MCM10: variants seen among roughly 807,000 people sequenced by gnomAD.
MCM10 encodes the protein protein MCM10 homolog.
Under a neutral mutation model 109.9 loss-of-function variants are expected in MCM10, and 91 were observed. That is an observed-to-expected ratio of 0.83 (90% confidence interval 0.70 to 0.99). The LOEUF is 0.99. Ranked by LOEUF, MCM10 falls within the 50% of genes least tolerant of loss-of-function variation. The pLI is 0.00. For synonymous variants in MCM10, 380 were observed against 387.2 expected, an observed-to-expected ratio of 0.98 and a Z score of 0.22; for missense variants, 1,077 against 1,061.2, an observed-to-expected ratio of 1.01 and a Z score of -0.21.
Position 13,172,801 on chromosome 10 carries a change from T to C in MCM10, c.592+36T>C. On this transcript the variant is annotated intron_variant, in intron 5 of 19. Transcript: ENST00000378714. The surrounding 1 kb of genome is among the most constrained non-coding windows in gnomAD (Gnocchi z 5.2). The stretch of plus-strand genomic sequence containing the variant: ...TGCGGTCTCAGTATCTTGGCACTAT[T>C]GTATGTGTTTATGTGTGTGGGGGTG... 6.2e-7 allele frequency: 1 copy of C among 1,604,234 alleles called. No individual in the cohort carries two copies. The highest frequency in any genetic ancestry group is 2.2e-5 in the East Asian group (1 of 44,850).
chr10:13,195,622 A>ATTTATTTT (rs1423866155), intron 14 of MCM10: 6 of 150,322 alleles, frequency 4.0e-5, no homozygotes. Flanking sequence ...TTATTTATTT[A>ATTTATTTT]TTTTTTGAGA....
chr10:13,167,333 A>G (rs1258172772), intron 2 of MCM10, among the ~76,000 whole-genome samples: 2 of 152,124 alleles, frequency 1.3e-5, no homozygotes, highest in South Asian at 2.1e-4. Context: ...TGGGTTAGAC[A>G]TGTGGATGAA....
chr10:13,172,661 G>C lies in MCM10; in HGVS notation c.488G>C (p.Arg163Thr). 6.2e-7 allele frequency: 1 copy of C among 1,614,196 alleles called. No individual in the cohort carries two copies. Among genetic ancestry groups the C allele is most frequent in the Non-Finnish European group, 8.5e-7 (1 of 1,180,034 alleles). Reference protein sequence around the residue: ...KSPRPPLKERRVQRIQESTCF... With the variant: ...KSPRPPLKERTVQRIQESTCF... Reference sequence around the variant, plus strand: ...CCCCGGCCACCTCTTAAGGAGAGGAGAGTTCAGAGAATTCAGGAGTCAACA... The same window carrying C: ...CCCCGGCCACCTCTTAAGGAGAGGACAGTTCAGAGAATTCAGGAGTCAACA... The change falls in exon 5 of 20, where the codon AGA becomes ACA. Residue 163 changes from arginine to threonine, a missense_variant. Coordinates refer to ENST00000378714, the MANE Select transcript of MCM10 (RefSeq NM_018518.5). This position sits in a 1 kb window ranked among gnomAD's most constrained non-coding sequence, Gnocchi z 5.2.
At chr10:13,204,037 A>AG (rs146646157) in intron 17 of MCM10, among the ~76,000 whole-genome samples, 182 bp from the exon 18 acceptor site, 13,753 of 152,210 alleles carry the variant, frequency 0.09, 1,224 homozygotes, top group African/African-American at 0.23. Context: ...TATCAGTGTG[A>AG]GGGAGTCGGG....
At chr10:13,189,125 C>G in intron 10 of MCM10, 45 bp downstream of exon 10, 1 of 1,600,768 alleles carries the variant, frequency 6.2e-7, no homozygotes, top group African/African-American at 1.3e-5. Flanking sequence ...TTTTGCTTAT[C>G]AAAGACTAAA....
In MCM10 at chr10:13,171,403, TTA is replaced by T. The variant is rs1834071885; in HGVS notation, c.349+144_349+145del. On this transcript the variant is annotated intron_variant, in intron 3 of 19. Coordinates refer to ENST00000378714, the MANE Select transcript of MCM10 (RefSeq NM_018518.5). ...TAAAAAAAGAAAAAAAGAAAGAAAA[TTA>T]TATGAGTTGGTAGATGAAATGTTTG... is the stretch of plus-strand genomic sequence containing the variant. 3.7e-6 allele frequency: 3 copies of T among 814,570 alleles called. No homozygotes were observed. In the Admixed American group the frequency reaches 9.0e-5, roughly 25 times the overall value. 50.5% of individuals were successfully genotyped at this position (814,570 alleles called of 1,614,324 possible). A position where few individuals can be genotyped will look rare whatever the true frequency, so the allele number is the denominator to read the frequency against.
At chr10:13,162,092 T>C (rs1020392237) in intron 1 of MCM10, among the ~76,000 whole-genome samples, 7 of 151,538 alleles carry the variant, frequency 4.6e-5, no homozygotes, top group African/African-American at 1.7e-4. Flanking sequence ...GAAAGATGAG[T>C]AAGTGGAGAC....
chr10:13,197,784 G>A lies in MCM10; in HGVS notation c.2119+17G>A, dbSNP rs922173411. 6 of 1,598,450 alleles carry A rather than the reference G, an allele frequency of 3.8e-6. No individual in the cohort carries two copies. Among genetic ancestry groups the A allele is most frequent in the Non-Finnish European group, 5.1e-6 (6 of 1,176,056 alleles). ...CTTCTCAAGGTACTGCAGTTTCACA[G>A]TTAACAGTGGGAAAGAGAAACTGTT... On this transcript the variant is annotated intron_variant, in intron 15 of 19. Coordinates refer to ENST00000378714, the MANE Select transcript of MCM10 (RefSeq NM_018518.5).
At chr10:13,196,712 C>T (rs533502931) in intron 14 of MCM10, among the ~76,000 whole-genome samples, 1 of 152,050 alleles carries the variant, frequency 6.6e-6, no homozygotes, top group African/African-American at 2.4e-5. Flanking sequence ...AGGGTTTCAC[C>T]ATGTTGGCCA....
At position 13,210,622 on chromosome 10, in the gene MCM10, T is replaced by G. The variant is rs1006072081; in HGVS notation, c.*1312T>G. 1.3e-5 allele frequency: 2 copies of G among 152,206 alleles called. No individual in the cohort carries two copies. The highest frequency in any genetic ancestry group is 1.3e-4 in the Admixed American group (2 of 15,272). The allele number at this position is 152,206 out of a possible 1,614,324, so 9.4% of individuals were successfully genotyped here. A position where few individuals can be genotyped will look rare whatever the true frequency, so the allele number is the denominator to read the frequency against. ...AGAAATAAAATTTACATGCCTTAGA[T>G]TTCATAAAATTCTGCTCTAATTGGG... On this transcript the variant is annotated 3_prime_UTR_variant, in exon 20 of 20. Coordinates refer to ENST00000378714, the MANE Select transcript of MCM10 (RefSeq NM_018518.5).
Position 13,209,120 on chromosome 10 carries a change from A to T in MCM10, c.2528A>T (p.Asp843Val). 3 of 1,613,206 alleles carry T rather than the reference A, an allele frequency of 1.9e-6. No homozygotes were observed. Among genetic ancestry groups the T allele is most frequent in the South Asian group, 2.2e-5 (2 of 91,048 alleles). The change falls in exon 19 of 20, where the codon GAC becomes GTC. Residue 843 changes from aspartate (D) to valine (V), a missense_variant. Asp to Val is a radical substitution (Grantham distance 152). Transcript: ENST00000378714. ...SNCGLYKWER[D>V]GMLKEKTGPK... is the part of the protein sequence containing the mutation. ...TGTGGCCTCTACAAATGGGAACGGGACGGAATGCTAAAGGTATGCCATTTG... is the reference window on the plus strand; with the variant it reads ...TGTGGCCTCTACAAATGGGAACGGGTCGGAATGCTAAAGGTATGCCATTTG...
chr10:13,209,038 AC>A, intron 18 of MCM10, 52 bp from the exon 19 acceptor site: 2 of 1,344,908 alleles, frequency 1.5e-6, no homozygotes, highest in Non-Finnish European at 2.1e-6. Context: ...CGTCGTCTTT[AC>A]ATGAGTGGGC....
Position 13,201,406 on chromosome 10 carries a change from G to A in MCM10, c.2239-15G>A. 1.3e-6 allele frequency: 2 copies of A among 1,569,440 alleles called. No individual in the cohort carries two copies. Among genetic ancestry groups the A allele is most frequent in the Non-Finnish European group, 8.7e-7 (1 of 1,142,868 alleles). Reference sequence around the variant, plus strand: ...GATTTAGTACCAGGTCTTTCATTATGCCCTGTCATTCCAGGCCGAGGCTGA... The same window carrying A: ...GATTTAGTACCAGGTCTTTCATTATACCCTGTCATTCCAGGCCGAGGCTGA... On this transcript the variant is annotated splice_polypyrimidine_tract_variant and intron_variant, in intron 16 of 19. Coordinates refer to ENST00000378714, the MANE Select transcript of MCM10 (RefSeq NM_018518.5).
At chr10:13,193,017 T>C (rs562827871) in intron 13 of MCM10, among the ~76,000 whole-genome samples, 1 of 152,120 alleles carries the variant, frequency 6.6e-6, no homozygotes, top group African/African-American at 2.4e-5. Flanking sequence ...TCCCAAGTAG[T>C]TGGGACTACA....
intron 19 of MCM10, 21 bp from the exon 20 acceptor site, chr10:13,209,205 TA>T: frequency 1.2e-6 from 2 of 1,605,314 alleles, no homozygotes; most frequent in East Asian, 4.5e-5. Context: ...CATCTCCTAT[TA>T]AAATATTTTC....
rs780786098 is a variant in MCM10 at position 13,172,590 on chromosome 10, T to C, written c.455-38T>C. On this transcript the variant is annotated intron_variant, in intron 4 of 19. Coordinates refer to ENST00000378714, the MANE Select transcript of MCM10 (RefSeq NM_018518.5). This position sits in a 1 kb window ranked among gnomAD's most constrained non-coding sequence, Gnocchi z 5.2. Reference sequence around the variant, plus strand: ...ACAGCCCTTTGAACCTCTTTCTGAATGGGTTTTTACTCACTTATTTTACTT... The same window carrying C: ...ACAGCCCTTTGAACCTCTTTCTGAACGGGTTTTTACTCACTTATTTTACTT... 3.7e-6 allele frequency: 6 copies of C among 1,611,924 alleles called. No individual in the cohort carries two copies. Among genetic ancestry groups the C allele is most frequent in the Non-Finnish European group, 5.1e-6 (6 of 1,178,854 alleles).
In MCM10 at chr10:13,188,905, C is replaced by G. The variant is rs756228575; in HGVS notation, c.1240C>G (p.His414Asp). ...GCGTGACTGTGAGTACTGTCAGTAC[C>G]ATGTCCAGGCTCAGTACAAGAAGCT... is the stretch of plus-strand genomic sequence containing the variant. ...NLRDCEYCQY[H>D]VQAQYKKLSA... Residue 414 changes from histidine to aspartate, a missense_variant, in exon 10 of 20, where the codon CAT becomes GAT. Physicochemically the swap from His to Asp is moderately conservative, Grantham distance 81. Coordinates refer to ENST00000378714, the MANE Select transcript of MCM10 (RefSeq NM_018518.5). 1 of 1,614,026 alleles carries G rather than the reference C, an allele frequency of 6.2e-7. No homozygotes were observed. The highest frequency in any genetic ancestry group is 1.7e-5 in the Admixed American group (1 of 60,006).
chr10:13,167,582 G>A (rs1485968850), intron 2 of MCM10, among the ~76,000 whole-genome samples: 1 of 130,292 alleles, frequency 7.7e-6, no homozygotes, highest in Non-Finnish European at 1.6e-5. Context: ...TGGAGGGGAG[G>A]ACCGGGGGGG....
chr10:13,188,231 A>G (rs903045794), intron 9 of MCM10, among the ~76,000 whole-genome samples: 1 of 152,200 alleles, frequency 6.6e-6, no homozygotes, highest in Non-Finnish European at 1.5e-5. Flanking sequence ...CACTGAAAGG[A>G]TAGCACTTGT....
Sources: allele counts gnomAD v4.1 joint callset (sites outside exome capture counted in the v4.1 genomes callset), GRCh38; gene constraint gnomAD v4.1.1; non-coding constraint Gnocchi (gnomAD v3.1); transcripts MANE v1.5; gene names NCBI Gene and HGNC (gene_info 2026-07-23, HGNC 2026-07-21).